BLVRA: variants seen among roughly 807,000 people sequenced by gnomAD.
BLVRA encodes the protein biliverdin reductase A.
BLVRA carries 22 observed loss-of-function variants against 32.8 expected under a neutral mutation model. The ratio of observed to expected loss-of-function variants is 0.67; its 90% CI spans 0.48 to 0.96. The LOEUF (loss-of-function observed/expected upper bound fraction) is 0.96, where lower values mean the gene tolerates loss of function less well. BLVRA is among the 40% of genes least tolerant of loss of function. The pLI, the probability that BLVRA is intolerant of heterozygous loss-of-function variation, is 0.00. For synonymous variants in BLVRA, 119 were observed against 141.3 expected (o/e 0.84, Z 1.12); for missense variants, 323 against 358.1 (o/e 0.90, Z 0.79).
chr7:43,804,592 C>T (rs184990089), intron 7 of BLVRA, among the ~76,000 whole-genome samples: 2 of 152,206 alleles, frequency 1.3e-5, no homozygotes, highest in African/African-American at 4.8e-5. Flanking sequence ...GCCATTAACA[C>T]TGTACATGTT....
At chr7:43,792,662 C>A in intron 4 of BLVRA, 53 bp from the exon 5 acceptor site, 2 of 1,491,206 alleles carry the variant, frequency 1.3e-6, no homozygotes, top group South Asian at 1.1e-5. Flanking sequence ...CAGAGCATTT[C>A]AGTGAAGCTT....
chr7:43,771,261 C>A, intron 2 of BLVRA, 91 bp downstream of exon 2: 1 of 1,449,038 alleles, frequency 6.9e-7, no homozygotes, highest in South Asian at 1.1e-5. Context: ...CTTTCAGAAA[C>A]ATCAGCACAA....
At chr7:43,779,871 T>C (rs1383005481) in intron 2 of BLVRA, among the ~76,000 whole-genome samples, 1 of 151,874 alleles carries the variant, frequency 6.6e-6, no homozygotes, top group South Asian at 2.1e-4. Context: ...ATTTTATATT[T>C]TTTTTCTTTT....
chr7:43,780,845 T>C (rs2095768256), intron 2 of BLVRA, among the ~76,000 whole-genome samples: 1 of 152,264 alleles, frequency 6.6e-6, no homozygotes, highest in Non-Finnish European at 1.5e-5. Context: ...TGCAAATACC[T>C]TCTAAATTTA....
chr7:43,775,667 G>A (rs1397765979), intron 2 of BLVRA, among the ~76,000 whole-genome samples: 1 of 152,168 alleles, frequency 6.6e-6, no homozygotes, highest in Non-Finnish European at 1.5e-5. Flanking sequence ...AATGAGTTAG[G>A]GAGGATTCCC....
intron 5 of BLVRA, 46 bp downstream of exon 5, chr7:43,792,858 A>G (rs1457598037): frequency 3.8e-6 from 6 of 1,561,516 alleles, no homozygotes; most frequent in Non-Finnish European, 4.4e-6. Context: ...TTTCTGTGAT[A>G]TCATCTTTAT....
intron 2 of BLVRA, among the ~76,000 whole-genome samples, chr7:43,784,933 T>C (rs867312136): frequency 2.6e-5 from 4 of 152,142 alleles, no homozygotes; most frequent in Non-Finnish European, 5.9e-5. Flanking sequence ...TGTCCCTGTG[T>C]GTCAGTTTTG....
rs1178859980 is a variant in BLVRA at position 43,803,288 on chromosome 7, A to C, written c.461-388A>C. 7.7e-5 allele frequency among the ~76,000 whole-genome samples: 11 copies of C among 142,858 alleles called. No homozygotes were observed. In the Admixed American group the frequency reaches 8.1e-4, roughly 11 times the overall value. 93.7% of individuals were successfully genotyped at this position (142,858 alleles called of 152,430 possible). On this transcript the variant is annotated intron_variant, in intron 6 of 7. Coordinates refer to ENST00000265523, the MANE Select transcript of BLVRA (RefSeq NM_000712.4). Reference sequence around the variant, plus strand: ...TTAAATCACTAAAGAGGATATATATATATGTATATGTAGGTATGTGTTGTG... The same window carrying C: ...TTAAATCACTAAAGAGGATATATATCTATGTATATGTAGGTATGTGTTGTG...
chr7:43,768,261 C>T (rs2132548053), intron 1 of BLVRA, among the ~76,000 whole-genome samples: 1 of 152,300 alleles, frequency 6.6e-6, no homozygotes, highest in East Asian at 1.9e-4. Context: ...GAAGTCCAAC[C>T]ATTCAGCCTA....
chr7:43,777,851 C>T (rs1035377275), intron 2 of BLVRA, among the ~76,000 whole-genome samples: 2 of 152,160 alleles, frequency 1.3e-5, no homozygotes, highest in African/African-American at 4.8e-5. Flanking sequence ...TCTTTTTATT[C>T]TTCTTTCTCT....
chr7:43,796,248 A>G (rs761601579), intron 5 of BLVRA, among the ~76,000 whole-genome samples: 1 of 152,194 alleles, frequency 6.6e-6, no homozygotes, highest in African/African-American at 2.4e-5. Context: ...TGAGACTACA[A>G]TGAACACTTA....
At chr7:43,761,894 A>T (rs192329173) in intron 1 of BLVRA, among the ~76,000 whole-genome samples, 5 of 152,338 alleles carry the variant, frequency 3.3e-5, no homozygotes, top group Admixed American at 2.6e-4. Context: ...ATTTTGATGT[A>T]TATATTTCCA....
At chr7:43,798,268 A>G (rs1354882698) in intron 5 of BLVRA, among the ~76,000 whole-genome samples, 1 of 151,004 alleles carries the variant, frequency 6.6e-6, no homozygotes, top group East Asian at 1.9e-4. Flanking sequence ...GTCAGGTAAC[A>G]TCCAATATCA....
At chr7:43,768,787 TA>T (rs1482272488) in intron 1 of BLVRA, among the ~76,000 whole-genome samples, 1 of 152,016 alleles carries the variant, frequency 6.6e-6, no homozygotes, top group African/African-American at 2.4e-5. Flanking sequence ...GGCCTCCAGG[TA>T]GCCAGGGGAG....
At chr7:43,762,812 A>G (rs2095743869) in intron 1 of BLVRA, among the ~76,000 whole-genome samples, 1 of 151,784 alleles carries the variant, frequency 6.6e-6, no homozygotes. Flanking sequence ...GGGTTTCACC[A>G]TGTTGGCCAG....
intron 1 of BLVRA, among the ~76,000 whole-genome samples, chr7:43,760,589 C>G (rs1236041318): frequency 1.3e-5 from 2 of 151,900 alleles, no homozygotes; most frequent in African/African-American, 4.8e-5. Context: ...AAGTTGATAG[C>G]CATGTATTTT....
chr7:43,798,845 T>C (rs17246016), intron 5 of BLVRA, among the ~76,000 whole-genome samples: 17,076 of 152,148 alleles, frequency 0.11, 1,051 homozygotes, highest in Admixed American at 0.19. Context: ...CAATCAGGCA[T>C]TGAGTGAACG....
At chr7:43,764,934 C>T (rs909136721) in intron 1 of BLVRA, among the ~76,000 whole-genome samples, 4 of 152,252 alleles carry the variant, frequency 2.6e-5, no homozygotes, top group Non-Finnish European at 5.9e-5. Context: ...CTAGTGGGTG[C>T]CAAGCCAGGT....
chr7:43,794,324 A>G (rs1650077888), intron 5 of BLVRA, among the ~76,000 whole-genome samples: 1 of 152,244 alleles, frequency 6.6e-6, no homozygotes, highest in African/African-American at 2.4e-5. Flanking sequence ...GGAAATGCTA[A>G]AGGAAGTCTT....
Sources: allele counts gnomAD v4.1 joint callset (sites outside exome capture counted in the v4.1 genomes callset), GRCh38; gene constraint gnomAD v4.1.1; transcripts MANE v1.5; gene names NCBI Gene and HGNC (gene_info 2026-07-23, HGNC 2026-07-21).